CLEC12B: variants seen among roughly 807,000 people sequenced by gnomAD.
The protein encoded by CLEC12B is macrophage antigen h.
Under a neutral mutation model 36.1 loss-of-function variants are expected in CLEC12B, and 25 were observed. That is an observed-to-expected ratio of 0.69 (90% CI 0.50 to 0.97). The LOEUF is 0.97. Among genes scored for constraint, CLEC12B ranks in the 50% least tolerant of loss-of-function variants. The pLI is 0.00. For missense variants in CLEC12B, 325 were observed against 318.4 expected, an observed-to-expected ratio of 1.02 and a Z score of -0.16; for synonymous variants, 110 against 108.5, an observed-to-expected ratio of 1.01 and a Z score of -0.09.
chr12:10,015,559 G>C, intron 4 of CLEC12B, 53 bp from the exon 5 acceptor site: 2 of 1,609,264 alleles, frequency 1.2e-6, no homozygotes, highest in South Asian at 2.2e-5. Context: ...TCTTAACTCT[G>C]CAAACTGGAA....
Position 10,010,777 on chromosome 12 carries a change from C to G in CLEC12B, c.18C>G (p.Thr6=). 1.2e-6 allele frequency: 2 copies of G among 1,605,000 alleles called. No homozygotes were observed. Among genetic ancestry groups the G allele is most frequent in the South Asian group, 1.1e-5 (1 of 90,926 alleles). MSEEV[T]YATLTFQDSA... ...CTTCTACAATGTCTGAAGAAGTGAC[C>G]TACGCGACACTCACATTTCAGGATT... Residue 6 remains threonine (T), a synonymous_variant, in exon 1 of 6, where the codon ACC becomes ACG. Transcript: ENST00000338896.
At chr12:10,006,992 T>C (rs983132541), upstream of CLEC12B, among the ~76,000 whole-genome samples, 1 of 151,820 alleles carries the variant, frequency 6.6e-6, no homozygotes. Flanking sequence ...GAGGCGGAGC[T>C]TGCAGTGAGC....
intron 2 of CLEC12B, chr12:10,013,212 A>G: frequency 3.3e-6 from 1 of 306,560 alleles, no homozygotes; most frequent in South Asian, 3.2e-5. Flanking sequence ...AATAAAGTCA[A>G]GAAATATGTA....
Position 10,012,810 on chromosome 12 carries a change from G to C in CLEC12B, c.117G>C (p.Trp39Cys), listed in dbSNP as rs756728240. 1.2e-6 allele frequency: 2 copies of C among 1,613,628 alleles called. No homozygotes were observed. The highest frequency in any genetic ancestry group is 4.5e-5 in the East Asian group (2 of 44,878). Residue 39 changes from tryptophan (W) to cysteine (C), a missense_variant, in exon 2 of 6, where the codon TGG becomes TGC. By Grantham distance (215) the Trp-to-Cys change is radical. Coordinates refer to ENST00000338896, the MANE Select transcript of CLEC12B (RefSeq NM_001129998.3). ...KRGHPAPSPI[W>C]RHAALGLVTL... ...GGCATCCAGCTCCATCTCCCATTTG[G>C]CGTCATGCTGCTCTGGGTCTGGTAA...
intron 5 of CLEC12B, 50 bp downstream of exon 5, chr12:10,015,777 G>A (rs1865471945): frequency 6.2e-7 from 1 of 1,603,836 alleles, no homozygotes; most frequent in African/African-American, 1.3e-5. Flanking sequence ...TGGAATCCTG[G>A]GAAAATTAAT....
chr12:10,006,961 AG>A, upstream of CLEC12B, among the ~76,000 whole-genome samples: 1 of 152,196 alleles, frequency 6.6e-6, no homozygotes, highest in African/African-American at 2.4e-5. Flanking sequence ...AGGCTGAGGC[AG>A]GGGAATGGCA....
chr12:10,012,850 T>C lies in CLEC12B; in HGVS notation c.157T>C (p.Leu53=). 6.2e-7 allele frequency: 1 copy of C among 1,613,880 alleles called. No individual in the cohort carries two copies. The highest frequency in any genetic ancestry group is 8.5e-7 in the Non-Finnish European group (1 of 1,179,800). Residue 53 remains leucine (L), a synonymous_variant, in exon 2 of 6, where the codon TTG becomes CTG. Transcript: ENST00000338896. ...GGGTCTGGTAACTCTTTGCCTGATGTTGCTGATTGGGCTGGTGACATTGGG... is the reference window on the plus strand; with the variant it reads ...GGGTCTGGTAACTCTTTGCCTGATGCTGCTGATTGGGCTGGTGACATTGGG... The part of the protein sequence containing the change: ...ALGLVTLCLM[L]LIGLVTLGMM...
At chr12:10,014,122 G>A (rs1865411329) in intron 2 of CLEC12B, among the ~76,000 whole-genome samples, 1 of 151,952 alleles carries the variant, frequency 6.6e-6, no homozygotes, top group African/African-American at 2.4e-5. Context: ...AAGCATCTCA[G>A]GTCATCTGCA....
chr12:10,017,213 T>C (rs983811551), intron 5 of CLEC12B: 1 of 985,268 alleles, frequency 1.0e-6, no homozygotes. Flanking sequence ...TCAATTAGTT[T>C]GGTTTCACAC....
upstream of CLEC12B, among the ~76,000 whole-genome samples, chr12:10,010,245 T>G (rs1865295702): frequency 7.0e-6 from 1 of 142,580 alleles, no homozygotes; most frequent in Admixed American, 6.9e-5. Context: ...CACGCTTGAA[T>G]TTTCTATAAT....
At chr12:10,007,052 C>A (rs764025951), upstream of CLEC12B, among the ~76,000 whole-genome samples, 1 of 148,590 alleles carries the variant, frequency 6.7e-6, no homozygotes, top group Admixed American at 6.8e-5. Flanking sequence ...TAGACTCTGT[C>A]TCAATAAAAA....
rs757743218 is a variant in CLEC12B, at chr12:10,014,706, T to TTAG, written c.374_375insTAG (p.Ile125_Lys126insSer). 101 of 1,613,422 alleles carry TTAG rather than the reference T, an allele frequency of 6.3e-5. No individual in the cohort carries two copies. The highest frequency in any genetic ancestry group is 5.4e-4 in the South Asian group (49 of 91,058). On this transcript the variant is annotated inframe_insertion, in exon 3 of 6. Transcript: ENST00000338896. Reference sequence around the variant, plus strand: ...CTGAAGAGGCAGGAACAAATGGCCATCAAACTGTGCCAAGAGCTAATCATT... The same window carrying TTAG: ...CTGAAGAGGCAGGAACAAATGGCCATTAGCAAACTGTGCCAAGAGCTAATCATT...
upstream of CLEC12B, among the ~76,000 whole-genome samples, chr12:10,009,058 G>A (rs185546061): frequency 1.1e-4 from 16 of 152,210 alleles, no homozygotes; most frequent in East Asian, 2.3e-3. Flanking sequence ...AGCCAATTGC[G>A]GTGAGGATTG....
At chr12:10,016,953 C>G (rs1378282592) in intron 5 of CLEC12B, 2 of 978,842 alleles carry the variant, frequency 2.0e-6, no homozygotes, top group Admixed American at 6.3e-5. Flanking sequence ...CCACCCCCCT[C>G]CCTCCTGTTT....
At chr12:10,007,942 T>G (rs538334098), upstream of CLEC12B, among the ~76,000 whole-genome samples, 3 of 152,276 alleles carry the variant, frequency 2.0e-5, no homozygotes, top group African/African-American at 7.2e-5. Flanking sequence ...GCATGGTCAG[T>G]GAAGTTGCTA....
At chr12:10,007,777 G>A (rs1468183915), upstream of CLEC12B, among the ~76,000 whole-genome samples, 3 of 152,206 alleles carry the variant, frequency 2.0e-5, no homozygotes, top group Non-Finnish European at 2.9e-5. Context: ...ATTTAAACAA[G>A]CTGCATTTTC....
intron 3 of CLEC12B, 125 bp downstream of exon 3, chr12:10,014,866 C>A: frequency 1.5e-6 from 1 of 672,124 alleles, no homozygotes; most frequent in Middle Eastern, 3.6e-4. Flanking sequence ...TGATGTTGCA[C>A]TAAATTTACA....
intron 2 of CLEC12B, among the ~76,000 whole-genome samples, chr12:10,014,046 T>C (rs1206328156): frequency 2.0e-5 from 3 of 152,228 alleles, no homozygotes; most frequent in East Asian, 1.9e-4. Flanking sequence ...GCATATTTCA[T>C]GGACCCATGA....
chr12:10,015,002 C>T (rs1218677054), intron 3 of CLEC12B, among the ~76,000 whole-genome samples: 6 of 152,144 alleles, frequency 3.9e-5, no homozygotes, highest in African/African-American at 1.2e-4. Flanking sequence ...TCTAGGTGAT[C>T]ATGTTGCTCT....
Sources: gnomAD v4.1 joint callset for allele counts (sites outside exome capture counted in the v4.1 genomes callset) on GRCh38, gnomAD v4.1.1 for gene constraint, MANE v1.5 for transcripts, NCBI Gene and HGNC (gene_info 2026-07-23, HGNC 2026-07-21) for gene names.